RPS6KC1: variants seen among roughly 807,000 people sequenced by gnomAD.
RPS6KC1 encodes ribosomal protein S6 kinase C1, also known as inactive ribosomal protein S6 kinase delta-1.
A neutral mutation model predicts 103.8 loss-of-function variants in RPS6KC1; 54 were observed. That is an observed-to-expected ratio of 0.52 (90% CI 0.42 to 0.65). The LOEUF (loss-of-function observed/expected upper bound fraction) is 0.65. Among genes scored for constraint, RPS6KC1 ranks in the 30% least tolerant of loss-of-function variants. The probability of loss-of-function intolerance (pLI) is 0.00; values close to 1 mark genes in which losing one functional copy is unlikely to be tolerated. For missense variants in RPS6KC1, 1,151 were observed against 1,253.8 expected (o/e 0.92, Z 1.24); for synonymous variants, 439 against 438.7 (o/e 1.00, Z -0.01).
the RPS6KC1 span, among the ~76,000 whole-genome samples, chr1:213,491,544 C>CCAAACAAA: frequency 0.024 from 3,663 of 151,832 alleles, 158 homozygotes; most frequent in African/African-American, 0.085. Flanking sequence ...CAAGACTGTG[C>CCAAACAAA]CAAACAAACA....
At chr1:213,095,237 C>T (rs1023436365) in intron 3 of RPS6KC1, among the ~76,000 whole-genome samples, 4 of 152,156 alleles carry the variant, frequency 2.6e-5, no homozygotes, top group Non-Finnish European at 4.4e-5. Context: ...AGAATTTAAT[C>T]CAGAGAATCT....
the RPS6KC1 span, among the ~76,000 whole-genome samples, chr1:213,458,123 A>G: frequency 6.6e-6 from 1 of 152,318 alleles, no homozygotes; most frequent in South Asian, 2.1e-4. Flanking sequence ...AGTACTCAAT[A>G]GGTAGTTTTT....
the RPS6KC1 span, among the ~76,000 whole-genome samples, chr1:213,746,376 G>T: frequency 9.8e-5 from 15 of 152,296 alleles, no homozygotes; most frequent in South Asian, 8.3e-4. Flanking sequence ...AAGCACAGCA[G>T]CCCTAAAGTG....
At chr1:213,271,999 T>C (rs1030577919) in intron 14 of RPS6KC1, among the ~76,000 whole-genome samples, 3 of 152,230 alleles carry the variant, frequency 2.0e-5, no homozygotes, top group Admixed American at 6.5e-5. Context: ...TCATTCATTA[T>C]ATTAAATTAT....
chr1:213,515,791 A>C, the RPS6KC1 span, among the ~76,000 whole-genome samples: 1 of 152,110 alleles, frequency 6.6e-6, no homozygotes, highest in South Asian at 2.1e-4. Flanking sequence ...CTTGATGGGG[A>C]TAGCATTGAA....
chr1:213,714,500 T>C, the RPS6KC1 span, among the ~76,000 whole-genome samples: 3 of 151,856 alleles, frequency 2.0e-5, no homozygotes, highest in African/African-American at 7.3e-5. Context: ...AATAAATGGC[T>C]TTCGTCTGTC....
chr1:213,588,454 A>C, the RPS6KC1 span, among the ~76,000 whole-genome samples: 1 of 151,852 alleles, frequency 6.6e-6, no homozygotes, highest in African/African-American at 2.4e-5. Context: ...GCCCACCACC[A>C]CACCCAGCTA....
chr1:213,182,727 T>C (rs906514080), intron 8 of RPS6KC1, among the ~76,000 whole-genome samples: 8 of 149,910 alleles, frequency 5.3e-5, no homozygotes, highest in African/African-American at 2.0e-4. Flanking sequence ...AAACATAATA[T>C]AATGAGATAT....
At chr1:213,126,704 G>C (rs1164785403) in intron 5 of RPS6KC1, among the ~76,000 whole-genome samples, 1 of 152,114 alleles carries the variant, frequency 6.6e-6, no homozygotes, top group Non-Finnish European at 1.5e-5. Flanking sequence ...ATATGATTTT[G>C]TGGTTTTGTG....
At chr1:213,610,642 G>A in the RPS6KC1 span, among the ~76,000 whole-genome samples, 4 of 152,112 alleles carry the variant, frequency 2.6e-5, no homozygotes, top group Non-Finnish European at 5.9e-5. Flanking sequence ...TTCCTATCCT[G>A]GAAGGTGATT....
At chr1:213,768,828 T>G in the RPS6KC1 span, among the ~76,000 whole-genome samples, 3 of 152,272 alleles carry the variant, frequency 2.0e-5, no homozygotes, top group East Asian at 5.8e-4. Context: ...GATTAAAACT[T>G]TAAAAAGGAG....
At chr1:213,078,703 A>G (rs1372307128) in intron 3 of RPS6KC1, among the ~76,000 whole-genome samples, 2 of 152,212 alleles carry the variant, frequency 1.3e-5, no homozygotes, top group African/African-American at 4.8e-5. Flanking sequence ...TGCCCGGGCC[A>G]GAACATTTTA....
At chr1:213,276,949 G>A (rs569524496), downstream of RPS6KC1, among the ~76,000 whole-genome samples, 3 of 152,242 alleles carry the variant, frequency 2.0e-5, no homozygotes, top group South Asian at 4.1e-4. Context: ...TATTTTGTGT[G>A]TTTATTTGAC....
At chr1:213,203,708 A>G (rs544247700) in intron 8 of RPS6KC1, among the ~76,000 whole-genome samples, 3 of 152,254 alleles carry the variant, frequency 2.0e-5, no homozygotes, top group East Asian at 1.9e-4. Context: ...GGTATAATTC[A>G]CCTATAACCC....
chr1:213,763,164 G>A, the RPS6KC1 span, among the ~76,000 whole-genome samples: 1 of 152,028 alleles, frequency 6.6e-6, no homozygotes, highest in Non-Finnish European at 1.5e-5. Flanking sequence ...TGGCCTTAAG[G>A]GTAATTTTTG....
chr1:213,628,990 G>T, the RPS6KC1 span, among the ~76,000 whole-genome samples: 10 of 152,284 alleles, frequency 6.6e-5, no homozygotes, highest in African/African-American at 1.9e-4. Flanking sequence ...GCTGAGGAGA[G>T]CTTTACTTCC....
chr1:213,376,124 GTGTGTGTA>G, the RPS6KC1 span, among the ~76,000 whole-genome samples: 2 of 142,212 alleles, frequency 1.4e-5, no homozygotes, highest in African/African-American at 5.3e-5. Context: ...GTGTGTGTGT[GTGTGTGTA>G]AAGTTTCCAG....
At chr1:213,360,158 A>C in the RPS6KC1 span, among the ~76,000 whole-genome samples, 3 of 152,186 alleles carry the variant, frequency 2.0e-5, no homozygotes, top group African/African-American at 7.2e-5. Context: ...GTGTTTTCCA[A>C]CTTGGTTCCA....
At chr1:213,479,013 C>A in the RPS6KC1 span, among the ~76,000 whole-genome samples, 29 of 151,068 alleles carry the variant, frequency 1.9e-4, no homozygotes, top group Non-Finnish European at 4.1e-4. Context: ...CTTAAAAGGT[C>A]TCATACTGCA....
Sources: allele counts gnomAD v4.1 joint callset (sites outside exome capture counted in the v4.1 genomes callset), GRCh38; gene constraint gnomAD v4.1.1; transcripts MANE v1.5; gene names NCBI Gene and HGNC (gene_info 2026-07-23, HGNC 2026-07-21).